Variants in YTHDF3 observed in about 807,000 individuals in gnomAD.
The protein encoded by YTHDF3 is YTH domain-containing family protein 3.
Under a neutral mutation model 52.5 loss-of-function variants are expected in YTHDF3, and 9 were observed. The observed-to-expected ratio is 0.17, with a 90% CI of 0.10 to 0.30. The LOEUF (loss-of-function observed/expected upper bound fraction) is 0.30. YTHDF3 is among the 10% of genes least tolerant of loss of function. The pLI is 1.00. For missense variants in YTHDF3, 534 were observed against 715.0 expected, an observed-to-expected ratio of 0.75 and a Z score of 2.89; for synonymous variants, 274 against 243.3, an observed-to-expected ratio of 1.13 and a Z score of -1.18.
At chr8:63,186,107 G>T in intron 3 of YTHDF3, 40 bp from the exon 4 acceptor site, 2 of 1,537,930 alleles carry the variant, frequency 1.3e-6, no homozygotes, top group Admixed American at 2.0e-5. Context: ...GCTCTTTTAA[G>T]AGGACATTTC....
At chr8:63,181,747 T>G (rs1437783278) in intron 3 of YTHDF3, among the ~76,000 whole-genome samples, 1 of 152,200 alleles carries the variant, frequency 6.6e-6, no homozygotes, top group Non-Finnish European at 1.5e-5. Flanking sequence ...GGAGACCACG[T>G]TCTTTATTTT....
At chr8:63,188,699 A>ATATATATATG (rs1563404178) in intron 4 of YTHDF3, 2 of 56,728 alleles carry the variant, frequency 3.5e-5, no homozygotes, top group African/African-American at 1.6e-4. Context: ...ATATATATAT[A>ATATATATATG]TATTTTTTTT....
At chr8:63,175,218 A>G (rs1399782004) in intron 2 of YTHDF3, 113 bp from the exon 3 acceptor site, 2 of 692,692 alleles carry the variant, frequency 2.9e-6, no homozygotes, top group Non-Finnish European at 4.9e-6. Flanking sequence ...AAAATAACTC[A>G]GTATTATTTT....
intron 3 of YTHDF3, among the ~76,000 whole-genome samples, chr8:63,179,179 T>C (rs1368275087): frequency 3.9e-5 from 6 of 152,158 alleles, no homozygotes; most frequent in Non-Finnish European, 7.4e-5. Context: ...TCTGAAGGAA[T>C]AATGTTCATA....
intron 4 of YTHDF3, among the ~76,000 whole-genome samples, chr8:63,209,307 T>TA (rs1375342450): frequency 7.9e-5 from 12 of 152,328 alleles, no homozygotes; most frequent in Middle Eastern, 3.4e-3. Flanking sequence ...TAATGTAACT[T>TA]TTAACCTTTT....
rs545707272 is a variant in YTHDF3, at chr8:63,173,202, T to TTATA, written c.50-2120_50-2117dup. ...AAAAATAAGAATAACAGGATTATAT[T>TTATA]TATATATATATACAGATAAATTTTA... On this transcript the variant is annotated intron_variant, in intron 2 of 4. Coordinates refer to ENST00000539294, the MANE Select transcript of YTHDF3 (RefSeq NM_152758.6). Among the ~76,000 whole-genome samples the TTATA allele has an allele frequency of 5.5e-4, 69 of 125,918 alleles. 6 individuals carry two copies. In the East Asian group the frequency reaches 7.2e-3, roughly 13 times the overall value. The allele number at this position is 125,918 out of a possible 152,430, so 82.6% of individuals were successfully genotyped here. A position where few individuals can be genotyped will look rare whatever the true frequency, so the allele number is the denominator to read the frequency against.
chr8:63,170,653 C>G (rs1452457662), intron 2 of YTHDF3, among the ~76,000 whole-genome samples: 3 of 151,914 alleles, frequency 2.0e-5, no homozygotes, highest in Non-Finnish European at 2.9e-5. Flanking sequence ...TTAATTTCTT[C>G]TTTTGCTAGT....
chr8:63,208,855 TTTTTTGTTGTTG>T (rs1312762969), intron 4 of YTHDF3, among the ~76,000 whole-genome samples: 1 of 151,676 alleles, frequency 6.6e-6, no homozygotes, highest in East Asian at 1.9e-4. Context: ...AACACTCATC[TTTTTTGTTGTTG>T]TTGTTGTTGT....
At position 63,211,597 on chromosome 8, in the gene YTHDF3, G is replaced by T. The variant is rs760754385; in HGVS notation, c.*1891G>T. The T allele has an allele frequency of 6.6e-6, 1 of 152,450 alleles. No individual in the cohort carries two copies. Among genetic ancestry groups the T allele is most frequent in the Non-Finnish European group, 1.5e-5 (1 of 67,972 alleles). The allele number at this position is 152,450 out of a possible 1,614,324, so 9.4% of individuals were successfully genotyped here. On this transcript the variant is annotated 3_prime_UTR_variant, in exon 5 of 5. Coordinates refer to ENST00000539294, the MANE Select transcript of YTHDF3 (RefSeq NM_152758.6). Reference sequence around the variant, plus strand: ...GAAGGATCTGAGTCCTCCCCCTGAGGTTCTCTTTTTCTTGGTGCTTTATTA... The same window carrying T: ...GAAGGATCTGAGTCCTCCCCCTGAGTTTCTCTTTTTCTTGGTGCTTTATTA...
rs1807615205 is a variant in YTHDF3, at chr8:63,175,332, T to G, written c.51T>G (p.Val17=). 6.2e-7 allele frequency: 1 copy of G among 1,604,384 alleles called. No homozygotes were observed. ...CTTCTAATACAAACATTTTTTTAGT[T>G]TCAGTACAAAACGGTTCGATTCATC... ...DQRPKGQGNK[V]SVQNGSIHQK... The change falls in exon 3 of 5, where the codon GTT becomes GTG. Residue 17 remains valine, a splice_region_variant and synonymous_variant. Coordinates refer to ENST00000539294, the MANE Select transcript of YTHDF3 (RefSeq NM_152758.6).
At chr8:63,188,775 G>A (rs1021088661) in intron 4 of YTHDF3, 2 of 137,070 alleles carry the variant, frequency 1.5e-5, no homozygotes, top group African/African-American at 2.7e-5. Flanking sequence ...GTGCAATGGA[G>A]TGGTCTTGGC....
intron 4 of YTHDF3, among the ~76,000 whole-genome samples, chr8:63,191,052 A>G (rs1197336621): frequency 6.6e-6 from 1 of 152,202 alleles, no homozygotes; most frequent in East Asian, 1.9e-4. Flanking sequence ...CTTTTCACTT[A>G]AAGTACTATG....
rs567397365 is a variant in YTHDF3 at position 63,196,934 on chromosome 8, A to G, written c.1734+9189A>G. 3.9e-5 allele frequency among the ~76,000 whole-genome samples: 6 copies of G among 152,296 alleles called. No homozygotes were observed. The South Asian group carries it at 1.0e-3, about 26-fold the overall frequency. Reference sequence around the variant, plus strand: ...CGTAGCACCTGGTTATACTAGAACAAATATCTCTCAGCAGGGACCCTATGT... The same window carrying G: ...CGTAGCACCTGGTTATACTAGAACAGATATCTCTCAGCAGGGACCCTATGT... On this transcript the variant is annotated intron_variant, in intron 4 of 4. Transcript: ENST00000539294.
At chr8:63,181,440 TCTG>T (rs1260041557) in intron 3 of YTHDF3, among the ~76,000 whole-genome samples, 1 of 152,248 alleles carries the variant, frequency 6.6e-6, no homozygotes, top group Non-Finnish European at 1.5e-5. Flanking sequence ...TAGCTCATCT[TCTG>T]CCAACTTTCT....
chr8:63,169,015 C>T (rs1807085019), intron 1 of YTHDF3, 114 bp downstream of exon 1: 14 of 1,473,096 alleles, frequency 9.5e-6, no homozygotes, highest in Non-Finnish European at 1.2e-5. Flanking sequence ...AACGGTGCCC[C>T]GGGCGCAAGT....
At chr8:63,201,619 G>C (rs1809648614) in intron 4 of YTHDF3, among the ~76,000 whole-genome samples, 1 of 152,038 alleles carries the variant, frequency 6.6e-6, no homozygotes, top group Admixed American at 6.6e-5. Context: ...CTTCACTGTT[G>C]GTGGCAGAAA....
chr8:63,189,736 T>C (rs1808796239), intron 4 of YTHDF3, among the ~76,000 whole-genome samples: 1 of 152,228 alleles, frequency 6.6e-6, no homozygotes, highest in Admixed American at 6.5e-5. Context: ...ACCCATCCCT[T>C]GGTATATTTG....
chr8:63,200,483 T>C (rs1809541179), intron 4 of YTHDF3, among the ~76,000 whole-genome samples: 1 of 152,054 alleles, frequency 6.6e-6, no homozygotes, highest in Non-Finnish European at 1.5e-5. Context: ...TGCTGAATTC[T>C]GTTGATTAGA....
At chr8:63,170,468 T>C (rs545643635) in intron 2 of YTHDF3, among the ~76,000 whole-genome samples, 213 of 152,310 alleles carry the variant, frequency 1.4e-3, no homozygotes, top group Non-Finnish European at 2.6e-3. Flanking sequence ...TAACATTTTG[T>C]TTGTTTTCAT....
Sources: allele counts gnomAD v4.1 joint callset (sites outside exome capture counted in the v4.1 genomes callset), GRCh38; gene constraint gnomAD v4.1.1; transcripts MANE v1.5; gene names NCBI Gene and HGNC (gene_info 2026-07-23, HGNC 2026-07-21).